WASF3: variants seen among roughly 807,000 people sequenced by gnomAD.
WASF3 encodes the protein actin-binding protein WASF3.
Under a neutral mutation model 46.6 loss-of-function variants are expected in WASF3, and 11 were observed. That is an observed-to-expected ratio of 0.24 (90% CI 0.15 to 0.39). The LOEUF (loss-of-function observed/expected upper bound fraction) is 0.39, where lower values mean the gene tolerates loss of function less well. Among genes scored for constraint, WASF3 ranks in the 10% least tolerant of loss-of-function variants. The pLI is 1.00. For synonymous variants in WASF3, 242 were observed against 259.7 expected (o/e 0.93, Z 0.65); for missense variants, 576 against 669.8 (o/e 0.86, Z 1.55).
chr13:26,633,030 AT>A (rs1881700674), intron 2 of WASF3, among the ~76,000 whole-genome samples: 1 of 151,832 alleles, frequency 6.6e-6, no homozygotes, highest in Non-Finnish European at 1.5e-5. Context: ...CCCCTTTATC[AT>A]TTTTTATTGT....
At chr13:26,581,513 A>G (rs1193973414) in intron 1 of WASF3, among the ~76,000 whole-genome samples, 2 of 151,572 alleles carry the variant, frequency 1.3e-5, no homozygotes, top group Non-Finnish European at 2.9e-5. Flanking sequence ...ATTTTGATCT[A>G]TTTCCCCACA....
upstream of WASF3, among the ~76,000 whole-genome samples, chr13:26,554,104 T>TTTCC (rs1879041990): frequency 8.8e-6 from 1 of 113,404 alleles, no homozygotes; most frequent in Non-Finnish European, 1.7e-5. Flanking sequence ...TCCTTCTTTC[T>TTTCC]TTCTTTCTTT....
At chr13:26,656,526 C>G (rs1882471268) in intron 3 of WASF3, among the ~76,000 whole-genome samples, 1 of 152,182 alleles carries the variant, frequency 6.6e-6, no homozygotes, top group Non-Finnish European at 1.5e-5. Context: ...TACTAACAAT[C>G]TGGCCAGCCT....
At chr13:26,629,431 T>C (rs1881583861) in intron 2 of WASF3, among the ~76,000 whole-genome samples, 1 of 152,238 alleles carries the variant, frequency 6.6e-6, no homozygotes, top group South Asian at 2.1e-4. Context: ...CGCGGTGTCA[T>C]GAACTGGTGT....
chr13:26,680,832 G>A (rs2137509910), intron 7 of WASF3, among the ~76,000 whole-genome samples: 1 of 152,254 alleles, frequency 6.6e-6, no homozygotes, highest in Middle Eastern at 3.4e-3. Flanking sequence ...CTTCAAAGCT[G>A]TGAATCTGAA....
rs201447101 is a variant in WASF3, at chr13:26,642,099, CTAAAG to C, written c.-10-158_-10-154del. ...GTACCTTCAGGCTCTATAAAACTCA[CTAAAG>C]TAATTCACTGTTTGTTGCATTTTAG... On this transcript the variant is annotated intron_variant, in intron 2 of 9. Transcript: ENST00000335327. 3.8e-3 allele frequency: 2,431 copies of C among 637,042 alleles called. 48 individuals are homozygous for C. In the African/African-American group the frequency reaches 0.038, roughly 10 times the overall value. 39.5% of individuals were successfully genotyped at this position (637,042 alleles called of 1,614,324 possible).
chr13:26,540,027 A>C, the WASF3 span, among the ~76,000 whole-genome samples: 9 of 152,148 alleles, frequency 5.9e-5, no homozygotes, highest in African/African-American at 2.2e-4. Flanking sequence ...CAGTGCAGGC[A>C]TTGAAGATGT....
In WASF3 at chr13:26,688,202, T is replaced by A. The variant is rs574441346; in HGVS notation, c.*2357T>A. 1 of 152,318 alleles carries A rather than the reference T, an allele frequency of 6.6e-6. No homozygotes were observed. The highest frequency in any genetic ancestry group is 2.4e-5 in the African/African-American group (1 of 41,564). The allele number at this position is 152,318 out of a possible 1,614,324, so 9.4% of individuals were successfully genotyped here. A position where few individuals can be genotyped will look rare whatever the true frequency, so the allele number is the denominator to read the frequency against. On this transcript the variant is annotated 3_prime_UTR_variant, in exon 10 of 10. Coordinates refer to ENST00000335327, the MANE Select transcript of WASF3 (RefSeq NM_006646.6). ...ATTTATTCTGAAATTTAAATCCAGA[T>A]CTTTTCTAATATGGTATTACAATGA...
intron 2 of WASF3, among the ~76,000 whole-genome samples, chr13:26,637,449 C>T (rs1199114788): frequency 6.6e-6 from 1 of 152,228 alleles, no homozygotes; most frequent in African/African-American, 2.4e-5. Flanking sequence ...ACTCTCACAA[C>T]TGGACCTTGG....
chr13:26,602,035 C>T (rs1880656818), intron 1 of WASF3, among the ~76,000 whole-genome samples: 1 of 152,132 alleles, frequency 6.6e-6, no homozygotes, highest in Non-Finnish European at 1.5e-5. Context: ...TGTTCTTTGT[C>T]CATAAGACTT....
chr13:26,618,925 C>T (rs1881223021), intron 2 of WASF3: 1 of 152,182 alleles, frequency 6.6e-6, no homozygotes, highest in Non-Finnish European at 1.5e-5. Flanking sequence ...TCCTTCCTGT[C>T]ATATTTTTGG....
chr13:26,574,421 G>A (rs1010665485), intron 1 of WASF3, among the ~76,000 whole-genome samples: 2 of 151,536 alleles, frequency 1.3e-5, no homozygotes, highest in African/African-American at 2.4e-5. Flanking sequence ...TTAACTTTTA[G>A]TATTTAAAAG....
chr13:26,585,543 G>A (rs1252183146), intron 1 of WASF3, among the ~76,000 whole-genome samples: 1 of 152,156 alleles, frequency 6.6e-6, no homozygotes, highest in African/African-American at 2.4e-5. Flanking sequence ...CTACCTCATG[G>A]TCTCTTTGAC....
chr13:26,579,471 G>A (rs1048746434), intron 1 of WASF3, among the ~76,000 whole-genome samples: 1 of 152,156 alleles, frequency 6.6e-6, no homozygotes, highest in African/African-American at 2.4e-5. Context: ...TTAAGCTGAA[G>A]TGCCAAGGAT....
intron 7 of WASF3, among the ~76,000 whole-genome samples, chr13:26,678,460 G>A (rs2137502155): frequency 6.6e-6 from 1 of 151,996 alleles, no homozygotes; most frequent in Admixed American, 6.6e-5. Context: ...CAAAATTGGA[G>A]TCATGCCATG....
intron 2 of WASF3, among the ~76,000 whole-genome samples, chr13:26,628,421 G>A (rs1482731230): frequency 6.6e-6 from 1 of 152,216 alleles, no homozygotes; most frequent in East Asian, 1.9e-4. Context: ...TGCTGCACAT[G>A]TGTGAGGGCA....
intron 2 of WASF3, among the ~76,000 whole-genome samples, chr13:26,630,887 G>C (rs1881631892): frequency 6.6e-6 from 1 of 152,168 alleles, no homozygotes; most frequent in Non-Finnish European, 1.5e-5. Flanking sequence ...TTGTGGTTTT[G>C]ATTTGCATTT....
chr13:26,652,048 T>C (rs1049890730), intron 3 of WASF3, among the ~76,000 whole-genome samples: 8 of 152,184 alleles, frequency 5.3e-5, no homozygotes, highest in African/African-American at 1.4e-4. Context: ...AGTCAGATGA[T>C]AGATTGAATC....
Position 26,620,656 on chromosome 13 carries a change from G to A in WASF3, c.-11+7598G>A, listed in dbSNP as rs967969529. ...ACTTCTGTATCCCCACCCATGATAC[G>A]TTGTTCTTCACTTTTACTCCGAGAT... On this transcript the variant is annotated intron_variant, in intron 2 of 9. Coordinates refer to ENST00000335327, the MANE Select transcript of WASF3 (RefSeq NM_006646.6). 9 of 152,272 alleles carry A rather than the reference G, an allele frequency of 5.9e-5. No homozygotes were observed. In the East Asian group the frequency reaches 1.4e-3, roughly 23 times the overall value. 9.4% of individuals were successfully genotyped at this position (152,272 alleles called of 1,614,324 possible). A position where few individuals can be genotyped will look rare whatever the true frequency, so the allele number is the denominator to read the frequency against.
Sources: allele counts gnomAD v4.1 joint callset (sites outside exome capture counted in the v4.1 genomes callset), GRCh38; gene constraint gnomAD v4.1.1; transcripts MANE v1.5; gene names NCBI Gene and HGNC (gene_info 2026-07-23, HGNC 2026-07-21).